Variants in CDH8 observed in about 807,000 individuals in gnomAD.
The protein encoded by CDH8 is cadherin-8.
In CDH8, 17 loss-of-function variants were observed where a neutral mutation model predicts 68.1. The observed-to-expected ratio is 0.25, with a 90% confidence interval of 0.17 to 0.37. CDH8 has a LOEUF of 0.37. CDH8 is among the 10% of genes least tolerant of loss of function. The pLI is 1.00. For missense variants in CDH8, 763 were observed against 999.3 expected, an observed-to-expected ratio of 0.76 and a Z score of 3.19; for synonymous variants, 372 against 365.1, an observed-to-expected ratio of 1.02 and a Z score of -0.21.
chr16:61,761,034 A>G (rs1960453458), intron 8 of CDH8, among the ~76,000 whole-genome samples: 2 of 152,276 alleles, frequency 1.3e-5, no homozygotes, highest in African/African-American at 4.8e-5. Context: ...ATGACACACA[A>G]ATACACCCAT....
chr16:61,984,849 T>C (rs1419035136), intron 2 of CDH8, among the ~76,000 whole-genome samples: 1 of 152,202 alleles, frequency 6.6e-6, no homozygotes, highest in African/African-American at 2.4e-5. Flanking sequence ...TTGCGTATAG[T>C]ATAAAATAGA....
chr16:61,689,621 G>A (rs762576200), intron 10 of CDH8, among the ~76,000 whole-genome samples: 4 of 151,906 alleles, frequency 2.6e-5, no homozygotes, highest in East Asian at 1.9e-4. Context: ...GATATTTGTT[G>A]GGAAACAAAA....
chr16:61,935,047 G>A (rs1468229774), intron 2 of CDH8, among the ~76,000 whole-genome samples: 4 of 152,132 alleles, frequency 2.6e-5, no homozygotes, highest in Non-Finnish European at 4.4e-5. Flanking sequence ...TTGCAAAGCC[G>A]TGGTGAATGA....
Position 61,769,955 on chromosome 16 carries a change from A to C in CDH8, c.1414+19391T>G, listed in dbSNP as rs535544205. Reference sequence around the variant, plus strand: ...TAATGGTGCATTTGAAACTCTGTACAAAGATGAACCTTGTTTAGAGGATGT... The same window carrying C: ...TAATGGTGCATTTGAAACTCTGTACCAAGATGAACCTTGTTTAGAGGATGT... On this transcript the variant is annotated intron_variant, in intron 8 of 11. Coordinates refer to ENST00000577390, the MANE Select transcript of CDH8 (RefSeq NM_001796.5). 5.9e-5 allele frequency among the ~76,000 whole-genome samples: 9 copies of C among 151,986 alleles called. 1 individual carries two copies. The South Asian group carries it at 1.9e-3, about 32-fold the overall frequency.
chr16:61,890,211 A>G (rs1963749772), intron 3 of CDH8, among the ~76,000 whole-genome samples: 2 of 152,216 alleles, frequency 1.3e-5, no homozygotes, highest in South Asian at 4.1e-4. Flanking sequence ...ATAAAGAGAC[A>G]ATGTTAGGAT....
intron 4 of CDH8, among the ~76,000 whole-genome samples, chr16:61,827,596 AC>A (rs1321557060): frequency 2.0e-5 from 3 of 151,920 alleles, no homozygotes; most frequent in African/African-American, 7.2e-5. Flanking sequence ...TGGAAATAAC[AC>A]CTTTGGGTTA....
chr16:61,923,383 G>A (rs1262468166), intron 2 of CDH8, among the ~76,000 whole-genome samples: 1 of 152,042 alleles, frequency 6.6e-6, no homozygotes, highest in African/African-American at 2.4e-5. Context: ...AATCTTTTTA[G>A]TCCTCAGTGT....
chr16:61,830,275 C>T (rs1962426682), intron 4 of CDH8, among the ~76,000 whole-genome samples: 1 of 151,722 alleles, frequency 6.6e-6, no homozygotes, highest in Admixed American at 6.6e-5. Flanking sequence ...GAAATGCCAC[C>T]TAATACAGAG....
chr16:61,939,574 A>C (rs888638038), intron 2 of CDH8, among the ~76,000 whole-genome samples: 1 of 152,174 alleles, frequency 6.6e-6, no homozygotes, highest in East Asian at 1.9e-4. Context: ...ATTCCAATTA[A>C]AAACATAATT....
At chr16:61,747,403 T>C (rs184639890) in intron 8 of CDH8, among the ~76,000 whole-genome samples, 58 of 152,110 alleles carry the variant, frequency 3.8e-4, no homozygotes, top group African/African-American at 1.4e-3. Flanking sequence ...GCTTCAAAAA[T>C]TCACTTTTAA....
intron 10 of CDH8, among the ~76,000 whole-genome samples, chr16:61,695,454 T>A (rs1964307095): frequency 6.6e-6 from 1 of 152,186 alleles, no homozygotes. Flanking sequence ...CATGACCTTA[T>A]TTGGGTCAAT....
Position 61,713,173 on chromosome 16 carries a change from C to T in CDH8, c.1654+668G>A, listed in dbSNP as rs1180867525. On this transcript the variant is annotated intron_variant, in intron 10 of 11. Coordinates refer to ENST00000577390, the MANE Select transcript of CDH8 (RefSeq NM_001796.5). ...AATAAAAATTTTCAAATGAGATAGA[C>T]TTTAAACAATAATCTATGGCTTTCA... 4.0e-5 allele frequency among the ~76,000 whole-genome samples: 6 copies of T among 151,420 alleles called. No homozygotes were observed. The East Asian group carries it at 1.2e-3, about 29-fold the overall frequency.
chr16:61,748,219 GTCA>G (rs60615047), intron 8 of CDH8, among the ~76,000 whole-genome samples: 4 of 150,840 alleles, frequency 2.7e-5, no homozygotes, highest in Non-Finnish European at 5.9e-5. Context: ...ATTTGAGAAT[GTCA>G]TCATCATCAT....
intron 3 of CDH8, among the ~76,000 whole-genome samples, chr16:61,889,028 C>T (rs1313163405): frequency 6.6e-6 from 1 of 152,140 alleles, no homozygotes; most frequent in Non-Finnish European, 1.5e-5. Context: ...ATTAGAATTA[C>T]TATAAACTCT....
chr16:61,755,005 A>G (rs1306666830), intron 8 of CDH8, among the ~76,000 whole-genome samples: 3 of 152,182 alleles, frequency 2.0e-5, no homozygotes, highest in Admixed American at 6.6e-5. Flanking sequence ...CCCACTTACA[A>G]GTCAGAACAT....
intron 2 of CDH8, among the ~76,000 whole-genome samples, chr16:61,903,242 TTA>T (rs1964007994): frequency 6.6e-6 from 1 of 152,268 alleles, no homozygotes; most frequent in Non-Finnish European, 1.5e-5. Flanking sequence ...TATTACAATT[TTA>T]TGTTTCAATG....
At chr16:61,668,171 C>T (rs11863254) in intron 10 of CDH8, among the ~76,000 whole-genome samples, 19,055 of 151,874 alleles carry the variant, frequency 0.13, 1,232 homozygotes, top group African/African-American at 0.15. Flanking sequence ...CTCAACGTAA[C>T]GGAGCATAGC....
chr16:61,734,774 A>G (rs1275914280), intron 8 of CDH8, among the ~76,000 whole-genome samples: 3 of 152,136 alleles, frequency 2.0e-5, no homozygotes, highest in Non-Finnish European at 2.9e-5. Flanking sequence ...AGTTAAAAAC[A>G]TATTTCAAAA....
At chr16:61,804,374 C>T (rs1961746002) in intron 7 of CDH8, among the ~76,000 whole-genome samples, 1 of 151,922 alleles carries the variant, frequency 6.6e-6, no homozygotes, top group South Asian at 2.1e-4. Flanking sequence ...CAGGAAAGAT[C>T]CAAAATTCAC....
Sources: gnomAD v4.1 joint callset for allele counts (sites outside exome capture counted in the v4.1 genomes callset) on GRCh38, gnomAD v4.1.1 for gene constraint, MANE v1.5 for transcripts, NCBI Gene and HGNC (gene_info 2026-07-23, HGNC 2026-07-21) for gene names.